SV2C: variants seen among roughly 807,000 people sequenced by gnomAD.
The protein encoded by SV2C is synaptic vesicle glycoprotein 2C, also known as solute carrier family 22 member B3.
A neutral mutation model predicts 79.7 loss-of-function variants in SV2C; 49 were observed. The ratio of observed to expected loss-of-function variants is 0.61; its 90% CI spans 0.49 to 0.78. The LOEUF is 0.78. Ranked by LOEUF, SV2C falls within the 30% of genes least tolerant of loss-of-function variation. SV2C has a pLI of 0.00. For missense variants in SV2C, 833 were observed against 912.9 expected, an observed-to-expected ratio of 0.91 and a Z score of 1.13; for synonymous variants, 334 against 333.2, an observed-to-expected ratio of 1.00 and a Z score of -0.03.
intron 4 of SV2C, chr5:76,281,398 A>G (rs976788405): frequency 3.6e-5 from 5 of 140,124 alleles, no homozygotes; most frequent in African/African-American, 1.0e-4. Flanking sequence ...TATGCAAAGT[A>G]AAAAAAAAAA....
chr5:76,221,867 G>A (rs1465255240), intron 4 of SV2C, among the ~76,000 whole-genome samples: 1 of 152,114 alleles, frequency 6.6e-6, no homozygotes, highest in Non-Finnish European at 1.5e-5. Context: ...CATACCTATG[G>A]TAAATAAAAG....
At chr5:75,946,571 T>C in the SV2C span, among the ~76,000 whole-genome samples, 6 of 152,200 alleles carry the variant, frequency 3.9e-5, no homozygotes, top group African/African-American at 1.2e-4. Flanking sequence ...TGCATTACCG[T>C]ATGAATAACA....
chr5:76,085,542 A>G (rs1747159259), intron 1 of SV2C, among the ~76,000 whole-genome samples: 1 of 152,102 alleles, frequency 6.6e-6, no homozygotes. Context: ...GGGGTTGGGA[A>G]AAAAGAAAGA....
chr5:76,174,179 C>T lies in SV2C; in HGVS notation c.581-20740C>T, dbSNP rs12657175. 2,644 of 1,612,398 alleles carry T rather than the reference C, an allele frequency of 1.6e-3. 81 individuals are homozygous for T. In the East Asian group the frequency reaches 0.053, roughly 33 times the overall value. On this transcript the variant is annotated intron_variant, in intron 2 of 12. Transcript: ENST00000502798. Reference sequence around the variant, plus strand: ...GCCAAGAACGACTAGCTTATACTCACGCATGATGCAAGCTTGTCAAAACCT... The same window carrying T: ...GCCAAGAACGACTAGCTTATACTCATGCATGATGCAAGCTTGTCAAAACCT...
intron 12 of SV2C, among the ~76,000 whole-genome samples, chr5:76,316,056 G>T (rs943330478): frequency 1.3e-5 from 2 of 152,112 alleles, no homozygotes; most frequent in African/African-American, 4.8e-5. Flanking sequence ...AAGAATAATG[G>T]TTCCATGCTA....
At chr5:75,931,731 A>T in the SV2C span, among the ~76,000 whole-genome samples, 1 of 152,188 alleles carries the variant, frequency 6.6e-6, no homozygotes, top group Non-Finnish European at 1.5e-5. Flanking sequence ...GATAAATAAA[A>T]TTTGATTTTA....
At chr5:75,924,616 A>G in the SV2C span, among the ~76,000 whole-genome samples, 3 of 152,188 alleles carry the variant, frequency 2.0e-5, no homozygotes, top group African/African-American at 4.8e-5. Flanking sequence ...TATGGTATCT[A>G]TAACATACTA....
At chr5:75,881,690 A>AT in the SV2C span, among the ~76,000 whole-genome samples, 2 of 152,020 alleles carry the variant, frequency 1.3e-5, no homozygotes, top group East Asian at 3.9e-4. Flanking sequence ...GCTTAAGGAG[A>AT]TTTTGGGCTG....
At chr5:76,073,609 G>A in the SV2C span, among the ~76,000 whole-genome samples, 1 of 143,768 alleles carries the variant, frequency 7.0e-6, no homozygotes, top group East Asian at 2.1e-4. Context: ...CAACCTAGAT[G>A]TAAATGGAGA....
At chr5:75,944,442 G>C in the SV2C span, among the ~76,000 whole-genome samples, 57 of 152,110 alleles carry the variant, frequency 3.7e-4, no homozygotes, top group African/African-American at 1.4e-3. Context: ...AAAAATTCCT[G>C]TGCTCACCAA....
chr5:75,999,827 T>TAGAGA, the SV2C span, among the ~76,000 whole-genome samples: 1 of 152,204 alleles, frequency 6.6e-6, no homozygotes, highest in East Asian at 1.9e-4. Context: ...ACTCTCTGCT[T>TAGAGA]GTAAGATGGT....
At chr5:76,216,626 C>T (rs1401148020) in intron 4 of SV2C, among the ~76,000 whole-genome samples, 2 of 152,154 alleles carry the variant, frequency 1.3e-5, no homozygotes, top group Admixed American at 6.5e-5. Context: ...ACCTAACACC[C>T]GTTCTCAAGC....
chr5:76,134,075 G>A (rs1409743497), intron 2 of SV2C, among the ~76,000 whole-genome samples: 6 of 152,032 alleles, frequency 3.9e-5, no homozygotes, highest in African/African-American at 7.2e-5. Context: ...TATGACATAC[G>A]GTTCTCTTAT....
At chr5:75,898,542 G>T in the SV2C span, among the ~76,000 whole-genome samples, 19 of 152,128 alleles carry the variant, frequency 1.2e-4, no homozygotes, top group Admixed American at 4.6e-4. Flanking sequence ...TTTTGGTTGT[G>T]TCTCTGCCCG....
intron 2 of SV2C, among the ~76,000 whole-genome samples, chr5:76,157,555 T>C (rs1022876455): frequency 6.6e-6 from 1 of 151,938 alleles, no homozygotes; most frequent in Non-Finnish European, 1.5e-5. Flanking sequence ...GCAATTGCAT[T>C]AAACTATACA....
At chr5:76,351,485 T>A (rs1336546109) in intron 12 of SV2C, among the ~76,000 whole-genome samples, 3 of 151,854 alleles carry the variant, frequency 2.0e-5, no homozygotes, top group Non-Finnish European at 2.9e-5. Flanking sequence ...CAGTCTGGGC[T>A]AGATAGTATT....
At chr5:76,035,745 G>A in the SV2C span, among the ~76,000 whole-genome samples, 24 of 152,172 alleles carry the variant, frequency 1.6e-4, no homozygotes, top group African/African-American at 5.3e-4. Flanking sequence ...GGAGAGTTCT[G>A]TAGATGTCTA....
At chr5:76,317,133 G>A (rs1185850588) in intron 12 of SV2C, among the ~76,000 whole-genome samples, 1 of 152,178 alleles carries the variant, frequency 6.6e-6, no homozygotes, top group African/African-American at 2.4e-5. Context: ...TTTTAGCATT[G>A]TAATGTGATA....
At chr5:76,062,408 C>G in the SV2C span, among the ~76,000 whole-genome samples, 1 of 152,060 alleles carries the variant, frequency 6.6e-6, no homozygotes, top group Admixed American at 6.5e-5. Flanking sequence ...GAGGATGCAG[C>G]CTACAAGGCA....
Sources: allele counts gnomAD v4.1 joint callset (sites outside exome capture counted in the v4.1 genomes callset), GRCh38; gene constraint gnomAD v4.1.1; transcripts MANE v1.5; gene names NCBI Gene and HGNC (gene_info 2026-07-23, HGNC 2026-07-21).